The following EFHB variants were observed in gnomAD, a reference collection of about 807,000 sequenced individuals.
EFHB encodes EF-hand domain family member B.
Under a neutral mutation model 87.2 loss-of-function variants are expected in EFHB, and 91 were observed. The observed-to-expected ratio is 1.04, with a 90% CI of 0.88 to 1.24. EFHB has a LOEUF of 1.24. Ranked by LOEUF, EFHB falls within the 50% of genes most tolerant of loss-of-function variation. The pLI, the probability that EFHB is intolerant of heterozygous loss-of-function variation, is 0.00. For synonymous variants in EFHB, 325 were observed against 333.6 expected (o/e 0.97, Z 0.28); for missense variants, 1,084 against 998.8 (o/e 1.09, Z -1.15).
chr3:19,917,220 A>ATG (rs1187797027), intron 4 of EFHB, among the ~76,000 whole-genome samples: 1 of 149,642 alleles, frequency 6.7e-6, no homozygotes, highest in Non-Finnish European at 1.5e-5. Flanking sequence ...AAATATAAAT[A>ATG]TATATAGTTT....
intron 1 of EFHB, among the ~76,000 whole-genome samples, chr3:19,924,639 A>G (rs897540785): frequency 2.2e-4 from 34 of 152,310 alleles, no homozygotes; most frequent in African/African-American, 8.2e-4. Context: ...AAGACTCATC[A>G]ACCTTGTTTC....
intron 3 of EFHB, among the ~76,000 whole-genome samples, chr3:19,918,852 C>T (rs958993675): frequency 2.3e-4 from 34 of 150,752 alleles, no homozygotes; most frequent in Non-Finnish European, 4.0e-4. Flanking sequence ...TGCTGGCACA[C>T]GCCTGTAGTC....
intron 6 of EFHB, among the ~76,000 whole-genome samples, chr3:19,905,154 G>C (rs1694797809): frequency 6.6e-6 from 1 of 152,158 alleles, no homozygotes; most frequent in Non-Finnish European, 1.5e-5. Flanking sequence ...TATTCAGAAG[G>C]CTGAGGTGGA....
intron 9 of EFHB, among the ~76,000 whole-genome samples, chr3:19,890,056 GC>G (rs1265101692): frequency 6.6e-5 from 10 of 152,144 alleles, no homozygotes; most frequent in African/African-American, 2.4e-4. Context: ...GAAAAGCAAT[GC>G]GGGATGTGGC....
chr3:19,919,198 T>TG (rs1171100484), intron 3 of EFHB, among the ~76,000 whole-genome samples: 1 of 149,604 alleles, frequency 6.7e-6, no homozygotes, highest in Non-Finnish European at 1.5e-5. Context: ...TCTTTTTTTG[T>TG]TTGTTTGTTT....
Position 19,921,575 on chromosome 3 carries a change from G to A in EFHB, c.790-1008C>T, listed in dbSNP as rs535298500. ...TGTGGAGTCCAAGGTCTAGCAACAG[G>A]GTGAGAGGCTGGGGGGGCCAAGATG... On this transcript the variant is annotated intron_variant, in intron 1 of 12. Coordinates refer to ENST00000295824, the MANE Select transcript of EFHB (RefSeq NM_144715.4). Among the ~76,000 whole-genome samples, 106 of 152,174 alleles carry A rather than the reference G, an allele frequency of 7.0e-4. 1 individual carries two copies. The highest frequency in any genetic ancestry group is 2.5e-3 in the African/African-American group (102 of 41,526).
chr3:19,908,222 C>T (rs1694904361), intron 5 of EFHB, among the ~76,000 whole-genome samples: 1 of 151,968 alleles, frequency 6.6e-6, no homozygotes, highest in Non-Finnish European at 1.5e-5. Context: ...TACAAAAGTG[C>T]AAAGAAAAAC....
At chr3:19,882,940 G>T (rs1487966477) in intron 11 of EFHB, among the ~76,000 whole-genome samples, 1 of 151,978 alleles carries the variant, frequency 6.6e-6, no homozygotes, top group Non-Finnish European at 1.5e-5. Context: ...ATAATATTTT[G>T]AATATATATC....
At chr3:19,882,405 C>T (rs2071700390) in intron 12 of EFHB, 145 bp downstream of exon 12, 1 of 743,450 alleles carries the variant, frequency 1.3e-6, no homozygotes, top group Admixed American at 3.5e-5. Context: ...GATGTCACAA[C>T]CAAGTTGAGG....
At chr3:19,905,851 AC>A in intron 5 of EFHB, 102 bp from the exon 6 acceptor site, 1 of 1,397,538 alleles carries the variant, frequency 7.2e-7, no homozygotes, top group East Asian at 2.4e-5. Context: ...TGAGAATGGA[AC>A]AAAAAATGAA....
chr3:19,880,229 C>CATTTATTTATTTATTTATTTATTTATTT (rs59492875), intron 12 of EFHB, among the ~76,000 whole-genome samples: 4 of 147,500 alleles, frequency 2.7e-5, no homozygotes, highest in African/African-American at 1.0e-4. Context: ...ACATTAGTTT[C>CATTTATTTATTTATTTATTTATTTATTT]ATTTATTTAT....
At chr3:19,901,455 G>A (rs892220697) in intron 6 of EFHB, among the ~76,000 whole-genome samples, 2 of 152,130 alleles carry the variant, frequency 1.3e-5, no homozygotes, top group Non-Finnish European at 2.9e-5. Context: ...AGTATCTCCT[G>A]TACTATTGAA....
chr3:19,893,455 G>A (rs1190093938), intron 9 of EFHB, among the ~76,000 whole-genome samples: 12 of 152,196 alleles, frequency 7.9e-5, no homozygotes, highest in Non-Finnish European at 1.5e-5. Context: ...AATAGGGGGA[G>A]CGCAGCAACC....
chr3:19,936,331 C>T, upstream of EFHB: 1 of 454,254 alleles, frequency 2.2e-6, no homozygotes, highest in Non-Finnish European at 3.8e-6. Context: ...GCCTGGGCGA[C>T]AGACTGAAAA....
At chr3:19,945,095 C>G (rs1282765412) in intron 1 of EFHB, among the ~76,000 whole-genome samples, 2 of 152,184 alleles carry the variant, frequency 1.3e-5, no homozygotes, top group Non-Finnish European at 2.9e-5. Flanking sequence ...GGTGTCCTGG[C>G]TAAGACGGAG....
intron 5 of EFHB, among the ~76,000 whole-genome samples, chr3:19,912,136 T>C (rs1285603181): frequency 2.0e-5 from 3 of 151,980 alleles, no homozygotes; most frequent in Non-Finnish European, 4.4e-5. Flanking sequence ...CAAAGAAGAC[T>C]ACCTCAAGAC....
chr3:19,918,134 C>T (rs1695298476), intron 4 of EFHB, 98 bp downstream of exon 4: 2 of 1,235,348 alleles, frequency 1.6e-6, no homozygotes, highest in Non-Finnish European at 2.2e-6. Flanking sequence ...ATCGTTTACA[C>T]CATCACCAAA....
At chr3:19,946,173 CGCA>C (rs1696275312) in intron 1 of EFHB, 1 of 152,172 alleles carries the variant, frequency 6.6e-6, no homozygotes, top group Non-Finnish European at 1.5e-5. Context: ...GCCAACCCGC[CGCA>C]GATCAGAATC....
intron 11 of EFHB, among the ~76,000 whole-genome samples, chr3:19,883,196 T>C (rs2071725445): frequency 6.6e-6 from 1 of 152,008 alleles, no homozygotes; most frequent in African/African-American, 2.4e-5. Flanking sequence ...AGACAGGGTC[T>C]CACTATGTTG....
Sources: gnomAD v4.1 joint callset for allele counts (sites outside exome capture counted in the v4.1 genomes callset) on GRCh38, gnomAD v4.1.1 for gene constraint, MANE v1.5 for transcripts, NCBI Gene and HGNC (gene_info 2026-07-23, HGNC 2026-07-21) for gene names.